The following WWOX variants were observed in gnomAD, a reference collection of about 807,000 sequenced individuals.
The protein encoded by WWOX is WW domain-containing oxidoreductase.
Under a neutral mutation model 46.2 loss-of-function variants are expected in WWOX, and 69 were observed. The ratio of observed to expected loss-of-function variants is 1.49; its 90% CI spans 1.23 to 1.82. WWOX has a LOEUF of 1.82. WWOX is among the 40% of genes most tolerant of loss of function. The probability of loss-of-function intolerance (pLI) is 0.00; values close to 1 mark genes in which losing one functional copy is unlikely to be tolerated. For synonymous variants in WWOX, 359 were observed against 202.6 expected (o/e 1.77, Z -6.56); for missense variants, 919 against 542.6 (o/e 1.69, Z -6.89).
intron 8 of WWOX, among the ~76,000 whole-genome samples, chr16:79,124,707 G>A (rs2049713209): frequency 6.6e-6 from 1 of 152,198 alleles, no homozygotes; most frequent in Admixed American, 6.5e-5. Flanking sequence ...GTTTAGTGGA[G>A]CAAAACAGAT....
chr16:78,755,725 C>G (rs75717141), intron 8 of WWOX, among the ~76,000 whole-genome samples: 2 of 152,028 alleles, frequency 1.3e-5, no homozygotes, highest in Non-Finnish European at 2.9e-5. Context: ...GTTCAGTACC[C>G]GCTATTAAAT....
rs565087881 is a variant in WWOX, at chr16:78,562,506, C to T, written c.1056+129754C>T. ...TCCCAGGTTCATGGAGGTACCCATT[C>T]TGCACTTGTTGACCTTGAGCTTGAG... On this transcript the variant is annotated intron_variant, in intron 8 of 8. Coordinates refer to ENST00000566780, the MANE Select transcript of WWOX (RefSeq NM_016373.4). Among the ~76,000 whole-genome samples, 50 of 152,328 alleles carry T rather than the reference C, an allele frequency of 3.3e-4. 1 individual carries two copies. The South Asian group carries it at 9.9e-3, about 30-fold the overall frequency.
At chr16:78,891,169 C>T (rs2044582076) in intron 8 of WWOX, 1 of 152,002 alleles carries the variant, frequency 6.6e-6, no homozygotes, top group Non-Finnish European at 1.5e-5. Flanking sequence ...TCTGCCTGCC[C>T]CTTCTTTCAT....
chr16:78,979,448 C>T (rs2046637856), intron 8 of WWOX, among the ~76,000 whole-genome samples: 1 of 152,130 alleles, frequency 6.6e-6, no homozygotes, highest in Admixed American at 6.5e-5. Flanking sequence ...ACAGGCTCCC[C>T]CATCGAGGTG....
intron 8 of WWOX, among the ~76,000 whole-genome samples, chr16:78,469,279 A>T (rs114777810): frequency 6.6e-6 from 1 of 152,066 alleles, no homozygotes; most frequent in East Asian, 1.9e-4. Context: ...AACTGGTACT[A>T]TGAAGACATT....
In WWOX at chr16:78,340,017, T is replaced by TCGGGG. The variant is rs796485170; in HGVS notation, c.517-46843_517-46842insCGGGG. 3.7e-3 allele frequency among the ~76,000 whole-genome samples: 25 copies of TCGGGG among 6,794 alleles called. 4 individuals are homozygous for TCGGGG. The highest frequency in any genetic ancestry group is 9.8e-3 in the African/African-American group (25 of 2,542). The allele number at this position is 6,794 out of a possible 152,430, so 4.5% of individuals were successfully genotyped here. A position where few individuals can be genotyped will look rare whatever the true frequency, so the allele number is the denominator to read the frequency against. ...TCTTCTAGTCTTTCCATGGATTTGGTGGGGGGGGGGGGGACGTTTCTATTT... is the reference window on the plus strand; with the variant it reads ...TCTTCTAGTCTTTCCATGGATTTGGTCGGGGGGGGGGGGGGGGGACGTTTCTATTT... On this transcript the variant is annotated intron_variant, in intron 5 of 8. Coordinates refer to ENST00000566780, the MANE Select transcript of WWOX (RefSeq NM_016373.4).
At chr16:78,862,172 A>C (rs1001622648) in intron 8 of WWOX, among the ~76,000 whole-genome samples, 1 of 151,718 alleles carries the variant, frequency 6.6e-6, no homozygotes, top group Non-Finnish European at 1.5e-5. Flanking sequence ...CTGTATCTAT[A>C]CACACCGATG....
At chr16:78,992,423 C>T (rs1291990750) in intron 8 of WWOX, among the ~76,000 whole-genome samples, 6 of 152,066 alleles carry the variant, frequency 3.9e-5, no homozygotes, top group Non-Finnish European at 5.9e-5. Flanking sequence ...ACCCAGATTG[C>T]GCCTCTGCAC....
At chr16:78,938,006 C>G (rs1452648284) in intron 8 of WWOX, among the ~76,000 whole-genome samples, 2 of 152,138 alleles carry the variant, frequency 1.3e-5, no homozygotes, top group South Asian at 4.1e-4. Context: ...AAGTCCTTGC[C>G]TAAGGTATTG....
intron 8 of WWOX, among the ~76,000 whole-genome samples, chr16:78,669,708 G>T (rs1001851854): frequency 1.3e-5 from 2 of 152,198 alleles, no homozygotes; most frequent in African/African-American, 2.4e-5. Flanking sequence ...ACTAGTTACA[G>T]TTCATTGGAT....
At chr16:78,359,361 G>A (rs1335120637) in intron 5 of WWOX, among the ~76,000 whole-genome samples, 1 of 152,072 alleles carries the variant, frequency 6.6e-6, no homozygotes, top group Non-Finnish European at 1.5e-5. Flanking sequence ...TAGTAATGTA[G>A]CATATACAAA....
chr16:78,600,571 G>T (rs2045597837), intron 8 of WWOX, among the ~76,000 whole-genome samples: 1 of 152,142 alleles, frequency 6.6e-6, no homozygotes, highest in Admixed American at 6.5e-5. Context: ...ATCATTTTGT[G>T]GGGCTATAGT....
rs143687458 is a variant in WWOX at position 78,938,975 on chromosome 16, G to A, written c.1057-272633G>A. 1.1e-3 allele frequency among the ~76,000 whole-genome samples: 168 copies of A among 152,286 alleles called. 2 individuals carry two copies. The highest frequency in any genetic ancestry group is 0.01 in the Admixed American group (160 of 15,302). ...ACAAAGGTAGAATATGAAGTGTAAT[G>A]ACATGGTTTAGATTGAAATCTGATG... On this transcript the variant is annotated intron_variant, in intron 8 of 8. Transcript: ENST00000566780.
intron 8 of WWOX, among the ~76,000 whole-genome samples, chr16:79,143,479 C>G (rs1466417163): frequency 2.6e-5 from 4 of 152,246 alleles, no homozygotes; most frequent in South Asian, 4.1e-4. Flanking sequence ...GATTCTTCGA[C>G]TTTAATAGAT....
chr16:78,793,648 A>T (rs1473483691), intron 8 of WWOX, among the ~76,000 whole-genome samples: 1 of 152,194 alleles, frequency 6.6e-6, no homozygotes, highest in African/African-American at 2.4e-5. Flanking sequence ...AGCAAAAAAA[A>T]CTTTTTTTCA....
At chr16:78,123,006 AAG>A (rs1290663243) in intron 4 of WWOX, among the ~76,000 whole-genome samples, 1 of 152,152 alleles carries the variant, frequency 6.6e-6, no homozygotes, top group African/African-American at 2.4e-5. Context: ...AATTAAACAA[AAG>A]AGGCAGCATT....
chr16:79,192,542 G>T (rs1318360244), intron 8 of WWOX, among the ~76,000 whole-genome samples: 1 of 152,192 alleles, frequency 6.6e-6, no homozygotes, highest in Non-Finnish European at 1.5e-5. Flanking sequence ...ACCTGGTAAG[G>T]TCTCTATTGG....
At chr16:78,630,323 G>A (rs115067092) in intron 8 of WWOX, among the ~76,000 whole-genome samples, 1,866 of 152,186 alleles carry the variant, frequency 0.012, 32 homozygotes, top group African/African-American at 0.043. Context: ...TTGGAATTTA[G>A]GAGGGCTGTC....
At chr16:78,711,994 G>C (rs1355072074) in intron 8 of WWOX, among the ~76,000 whole-genome samples, 3 of 152,158 alleles carry the variant, frequency 2.0e-5, no homozygotes, top group Non-Finnish European at 4.4e-5. Context: ...ATCTGTGCTA[G>C]TTCGGCAAAG....
Sources: allele counts gnomAD v4.1 joint callset (sites outside exome capture counted in the v4.1 genomes callset), GRCh38; gene constraint gnomAD v4.1.1; transcripts MANE v1.5; gene names NCBI Gene and HGNC (gene_info 2026-07-23, HGNC 2026-07-21).